The following STK32B variants were observed in gnomAD, a reference collection of about 807,000 sequenced individuals.
The protein encoded by STK32B is serine/threonine-protein kinase 32B.
Under a neutral mutation model 52.6 loss-of-function variants are expected in STK32B, and 43 were observed. The observed-to-expected ratio is 0.82, with a 90% CI of 0.64 to 1.05. The LOEUF is 1.05. Ranked by LOEUF, STK32B falls within the 50% of genes least tolerant of loss-of-function variation. STK32B has a pLI of 0.00. For missense variants in STK32B, 621 were observed against 534.6 expected (o/e 1.16, Z -1.59); for synonymous variants, 238 against 204.3 (o/e 1.17, Z -1.41).
At chr4:5,163,525 G>C (rs1718611906) in intron 2 of STK32B, among the ~76,000 whole-genome samples, 1 of 147,562 alleles carries the variant, frequency 6.8e-6, no homozygotes, top group Non-Finnish European at 1.5e-5. Context: ...AAGAGTTTGA[G>C]ATAGAGTGAA....
chr4:5,114,324 C>T (rs1157923844), intron 1 of STK32B, among the ~76,000 whole-genome samples: 8 of 151,934 alleles, frequency 5.3e-5, no homozygotes, highest in African/African-American at 1.9e-4. Flanking sequence ...GTTTAAAGCT[C>T]ACTTCTTCAA....
intron 2 of STK32B, among the ~76,000 whole-genome samples, chr4:5,159,500 A>G (rs1386449678): frequency 1.4e-5 from 2 of 144,656 alleles, no homozygotes; most frequent in East Asian, 2.0e-4. Flanking sequence ...ATGAATATAT[A>G]TATGAATATA....
chr4:5,440,860 A>T (rs544972926), intron 6 of STK32B, among the ~76,000 whole-genome samples: 86 of 151,936 alleles, frequency 5.7e-4, no homozygotes, highest in African/African-American at 2.0e-3. Context: ...CTATTGAGAT[A>T]ATCATGTGGT....
intron 3 of STK32B, among the ~76,000 whole-genome samples, chr4:5,311,568 A>T (rs1336879042): frequency 6.6e-6 from 1 of 152,130 alleles, no homozygotes; most frequent in African/African-American, 2.4e-5. Flanking sequence ...ATGAAAGAAG[A>T]ACAAATAATG....
chr4:5,165,252 A>C (rs1244662187), intron 2 of STK32B, among the ~76,000 whole-genome samples: 1 of 152,170 alleles, frequency 6.6e-6, no homozygotes, highest in East Asian at 1.9e-4. Context: ...CAAAACTTCC[A>C]GGCTGCATCC....
At position 5,083,977 on chromosome 4, in the gene STK32B, T is replaced by A. The variant is rs1712581710; in HGVS notation, c.52+32062T>A. Among the ~76,000 whole-genome samples the A allele has an allele frequency of 3.3e-5, 5 of 152,304 alleles. No homozygotes were observed. The South Asian group carries it at 1.0e-3, about 32-fold the overall frequency. ...GTCTTGAACTCCTGACCTCAGGTGA[T>A]CCACTGGCCTCAGCCTTGCAATGTG... On this transcript the variant is annotated intron_variant, in intron 1 of 11. Transcript: ENST00000282908.
intron 3 of STK32B, among the ~76,000 whole-genome samples, chr4:5,304,714 A>C (rs1474136925): frequency 6.6e-6 from 1 of 152,046 alleles, no homozygotes; most frequent in Non-Finnish European, 1.5e-5. Context: ...GACTTCCAGT[A>C]CTATGCTGAA....
At chr4:5,079,280 A>G (rs932795249) in intron 1 of STK32B, among the ~76,000 whole-genome samples, 1 of 24,850 alleles carries the variant, frequency 4.0e-5, no homozygotes, top group African/African-American at 4.8e-5. Flanking sequence ...TATAAATTGT[A>G]TACATAAAAC....
At chr4:5,480,824 C>T (rs916351563) in intron 11 of STK32B, among the ~76,000 whole-genome samples, 2 of 151,120 alleles carry the variant, frequency 1.3e-5, no homozygotes, top group South Asian at 4.2e-4. Flanking sequence ...TCAGTGATAA[C>T]ATGCGGTGTT....
At chr4:5,230,144 C>G (rs1456433822) in intron 3 of STK32B, among the ~76,000 whole-genome samples, 2 of 141,970 alleles carry the variant, frequency 1.4e-5, no homozygotes, top group Non-Finnish European at 3.0e-5. Context: ...TTAGAAAACT[C>G]TAGCAAACAG....
chr4:5,485,325 C>A (rs953875103), intron 11 of STK32B, among the ~76,000 whole-genome samples: 1 of 152,098 alleles, frequency 6.6e-6, no homozygotes, highest in African/African-American at 2.4e-5. Flanking sequence ...CTTCTCGATT[C>A]TTTTCATTCA....
intron 3 of STK32B, among the ~76,000 whole-genome samples, chr4:5,231,607 G>C (rs1724274734): frequency 6.6e-6 from 1 of 152,028 alleles, no homozygotes; most frequent in Non-Finnish European, 1.5e-5. Context: ...GTAAGCCTCT[G>C]TCTCAAAAAC....
intron 2 of STK32B, among the ~76,000 whole-genome samples, chr4:5,152,087 C>G (rs1200436617): frequency 1.3e-5 from 2 of 152,200 alleles, no homozygotes; most frequent in East Asian, 1.9e-4. Flanking sequence ...AAAACTTGCT[C>G]TCAGTTATCA....
intron 3 of STK32B, among the ~76,000 whole-genome samples, chr4:5,178,908 C>G (rs74484104): frequency 0.025 from 3,832 of 152,342 alleles, 158 homozygotes; most frequent in African/African-American, 0.087. Context: ...GCCCTCCAAT[C>G]TGTTGCAACC....
chr4:5,405,173 A>G (rs943329260), intron 5 of STK32B, among the ~76,000 whole-genome samples: 2 of 151,820 alleles, frequency 1.3e-5, no homozygotes, highest in East Asian at 3.9e-4. Context: ...TGTGTGTGAG[A>G]CCTAGTAAGG....
At chr4:5,408,737 T>A (rs569956071) in intron 5 of STK32B, among the ~76,000 whole-genome samples, 11 of 152,200 alleles carry the variant, frequency 7.2e-5, no homozygotes, top group Non-Finnish European at 1.2e-4. Context: ...GAGAAACATG[T>A]GACCTAGCCC....
intron 4 of STK32B, among the ~76,000 whole-genome samples, chr4:5,374,071 A>AG (rs1427217966): frequency 6.6e-6 from 1 of 152,200 alleles, no homozygotes; most frequent in Admixed American, 6.5e-5. Flanking sequence ...TGCAGAGGGG[A>AG]GAAGGCCATG....
In STK32B at chr4:5,187,248, C is replaced by T. The variant is rs557024644; in HGVS notation, c.260+18798C>T. Among the ~76,000 whole-genome samples the T allele has an allele frequency of 3.0e-3, 453 of 152,272 alleles. 3 individuals carry two copies. The highest frequency in any genetic ancestry group is 4.4e-3 in the Non-Finnish European group (300 of 68,016). On this transcript the variant is annotated intron_variant, in intron 3 of 11. Transcript: ENST00000282908. ...CCACAACACAGCACCTTCTTGTGCCCGTTTTCCTGACTGCTCTTCATGCTT... is the reference window on the plus strand; with the variant it reads ...CCACAACACAGCACCTTCTTGTGCCTGTTTTCCTGACTGCTCTTCATGCTT...
intron 6 of STK32B, among the ~76,000 whole-genome samples, chr4:5,442,471 A>G (rs1354067950): frequency 1.3e-5 from 2 of 150,800 alleles, no homozygotes; most frequent in Non-Finnish European, 2.9e-5. Context: ...ATCTTCCTCC[A>G]TCCTTTTATT....
Sources: allele counts gnomAD v4.1 joint callset (sites outside exome capture counted in the v4.1 genomes callset), GRCh38; gene constraint gnomAD v4.1.1; transcripts MANE v1.5; gene names NCBI Gene and HGNC (gene_info 2026-07-23, HGNC 2026-07-21).